The following ACLY variants were observed in gnomAD, a reference collection of about 807,000 sequenced individuals.
The protein encoded by ACLY is ATP-citrate synthase.
A neutral mutation model predicts 133.0 loss-of-function variants in ACLY; 41 were observed. The observed-to-expected ratio is 0.31, with a 90% CI of 0.24 to 0.40. ACLY has a LOEUF of 0.40. Among genes scored for constraint, ACLY ranks in the 10% least tolerant of loss-of-function variants. The pLI is 1.00. For synonymous variants in ACLY, 495 were observed against 549.3 expected (o/e 0.90, Z 1.38); for missense variants, 1,046 against 1,453.8 (o/e 0.72, Z 4.56).
At chr17:41,910,332 GC>G (rs782159533) in intron 3 of ACLY, 48 bp from the exon 4 acceptor site, 19 of 1,559,288 alleles carry the variant, frequency 1.2e-5, no homozygotes, top group Non-Finnish European at 1.7e-5. Flanking sequence ...AGCACGTCTT[GC>G]CCCTAGGGCA....
chr17:41,867,909 A>G lies in ACLY; in HGVS notation c.3212-5T>C. 3 of 1,602,160 alleles carry G rather than the reference A, an allele frequency of 1.9e-6. No individual in the cohort carries two copies. Among genetic ancestry groups the G allele is most frequent in the Non-Finnish European group, 2.6e-6 (3 of 1,172,198 alleles). On this transcript the variant is annotated splice_polypyrimidine_tract_variant and splice_region_variant and intron_variant, in intron 28 of 28. Transcript: ENST00000352035. ...TCTTCTGATCAAGATAGTGTCCTAA[A>G]ATGAAGCAAACACATCTTTTTTATT...
intron 10 of ACLY, among the ~76,000 whole-genome samples, chr17:41,902,492 G>T (rs2049568813): frequency 6.6e-6 from 1 of 152,218 alleles, no homozygotes; most frequent in Non-Finnish European, 1.5e-5. Context: ...GGGATTACAA[G>T]CGTGAGCCAC....
chr17:41,880,694 C>G (rs1314353772), intron 20 of ACLY, among the ~76,000 whole-genome samples: 1 of 151,984 alleles, frequency 6.6e-6, no homozygotes, highest in Non-Finnish European at 1.5e-5. Flanking sequence ...AACCCCATCT[C>G]TACTAAAAGA....
At chr17:41,908,894 C>G (rs2049806578) in intron 6 of ACLY, 95 bp downstream of exon 6, 7 of 1,025,140 alleles carry the variant, frequency 6.8e-6, no homozygotes, top group African/African-American at 1.6e-5. Context: ...GTGTTACCCT[C>G]TGGCAAGTGG....
Position 41,928,511 on chromosome 17 carries a change from T to C in ACLY, c.-28+1847A>G, listed in dbSNP as rs146666796. 5.9e-4 allele frequency among the ~76,000 whole-genome samples: 90 copies of C among 152,200 alleles called. 1 individual carries two copies. The East Asian group carries it at 0.017, about 28-fold the overall frequency. ...TTTTGGCTATTTTAGGTCTTTTGCATTTCCACATAAATCTTAAAATCAGCT... is the reference window on the plus strand; with the variant it reads ...TTTTGGCTATTTTAGGTCTTTTGCACTTCCACATAAATCTTAAAATCAGCT... On this transcript the variant is annotated intron_variant, in intron 1 of 3. Transcript: ENST00000592970.
chr17:41,867,771 T>C lies in ACLY; in HGVS notation c.*39A>G. ...GTACACTTTTTCTTGGGGGAAGAGA[T>C]CTTGTCTTCAGTTTACTGCAGTAGG... On this transcript the variant is annotated 3_prime_UTR_variant, in exon 29 of 29. Transcript: ENST00000352035. 6.6e-7 allele frequency: 1 copy of C among 1,522,022 alleles called. No homozygotes were observed. Among genetic ancestry groups the C allele is most frequent in the Admixed American group, 1.8e-5 (1 of 55,700 alleles). 94.3% of individuals were successfully genotyped at this position (1,522,022 alleles called of 1,614,324 possible). A position where few individuals can be genotyped will look rare whatever the true frequency, so the allele number is the denominator to read the frequency against.
intron 1 of ACLY, among the ~76,000 whole-genome samples, chr17:41,926,983 C>T (rs782155910): frequency 5.3e-5 from 8 of 152,106 alleles, no homozygotes; most frequent in Non-Finnish European, 1.0e-4. Context: ...ATTCTCCTGC[C>T]TCAGCCTCCC....
chr17:41,904,688 A>C, intron 10 of ACLY, 41 bp downstream of exon 10: 1 of 1,600,134 alleles, frequency 6.2e-7, no homozygotes, highest in Non-Finnish European at 8.6e-7. Context: ...CTTTCCCCAA[A>C]CCACTTTCCC....
chr17:41,913,629 C>T (rs2049966505), intron 2 of ACLY, 86 bp downstream of exon 2: 1 of 1,439,772 alleles, frequency 6.9e-7, no homozygotes, highest in African/African-American at 1.4e-5. Context: ...CCCCATGACC[C>T]TATCGGCATC....
At position 41,867,426 on chromosome 17, in the gene ACLY, G is replaced by GT. The variant is rs1304727978; in HGVS notation, c.*383dup. On this transcript the variant is annotated 3_prime_UTR_variant, in exon 29 of 29. Transcript: ENST00000352035. ...TGTATAGTATCTTGAGGCCATAAAT[G>GT]TTTCATTCCCTTCCTCCAAAGGAGA... 6.5e-6 allele frequency: 1 copy of GT among 155,020 alleles called. No homozygotes were observed. The highest frequency in any genetic ancestry group is 6.5e-5 in the Admixed American group (1 of 15,314). 9.6% of individuals were successfully genotyped at this position (155,020 alleles called of 1,614,324 possible).
At position 41,867,335 on chromosome 17, in the gene ACLY, C is replaced by T. The variant is rs2048491613; in HGVS notation, c.*475G>A. 1 of 149,184 alleles carries T rather than the reference C, an allele frequency of 6.7e-6. No individual in the cohort carries two copies. Among genetic ancestry groups the T allele is most frequent in the South Asian group, 2.1e-4 (1 of 4,734 alleles). The allele number at this position is 149,184 out of a possible 1,614,324, so 9.2% of individuals were successfully genotyped here. ...AAAATCAGATTAATACAATGTTCTT[C>T]ATGTTATATAAGGAAGAAGAAAGGG... On this transcript the variant is annotated 3_prime_UTR_variant, in exon 29 of 29. Coordinates refer to ENST00000352035, the MANE Select transcript of ACLY (RefSeq NM_001096.3).
rs1390496867 is a variant in ACLY, at chr17:41,887,604, C to A, written c.1870G>T (p.Ala624Ser). 1 of 1,613,708 alleles carries A rather than the reference C, an allele frequency of 6.2e-7. No homozygotes were observed. The highest frequency in any genetic ancestry group is 2.2e-5 in the East Asian group (1 of 44,864). ...DQKGVTIIGP[A>S]TVGGIKPGCF... Reference sequence around the variant, plus strand: ...TTTCCGGAGGGGAAGCTCACAGTGGCAGGTCCGATGATGGTCACTCCCTTC... The same window carrying A: ...TTTCCGGAGGGGAAGCTCACAGTGGAAGGTCCGATGATGGTCACTCCCTTC... Residue 624 changes from alanine (A) to serine (S), a missense_variant, in exon 17 of 29, where the codon GCC becomes TCC. Physicochemically the swap from Ala to Ser is moderately conservative, Grantham distance 99 (BLOSUM62 1). Transcript: ENST00000352035.
chr17:41,905,400 G>A (rs2049683797), intron 9 of ACLY, 122 bp downstream of exon 9: 2 of 1,314,476 alleles, frequency 1.5e-6, no homozygotes, highest in Admixed American at 1.9e-5. Flanking sequence ...TCAATGATTA[G>A]CCTCAAGTTG....
At chr17:41,924,982 C>T (rs2050225292) in intron 1 of ACLY, among the ~76,000 whole-genome samples, 1 of 152,070 alleles carries the variant, frequency 6.6e-6, no homozygotes, top group Admixed American at 6.6e-5. Flanking sequence ...AAATCACTTA[C>T]CCTTGACTTT....
intron 22 of ACLY, among the ~76,000 whole-genome samples, chr17:41,876,938 A>C (rs1257616888): frequency 6.6e-6 from 1 of 152,124 alleles, no homozygotes; most frequent in African/African-American, 2.4e-5. Flanking sequence ...AGGAAAAAAA[A>C]AAAAGAAATG....
Position 41,872,976 on chromosome 17 carries a change from G to A in ACLY, c.2643-794C>T, listed in dbSNP as rs117729214. Among the ~76,000 whole-genome samples, 89 of 152,288 alleles carry A rather than the reference G, an allele frequency of 5.8e-4. No homozygotes were observed. The East Asian group carries it at 0.015, about 26-fold the overall frequency. The stretch of plus-strand genomic sequence containing the variant: ...CCCATCTCTCTGCAGGTGAGGGCAT[G>A]ACACAACCAAAGACATTGACCTGGC... On this transcript the variant is annotated intron_variant, in intron 23 of 28. Coordinates refer to ENST00000352035, the MANE Select transcript of ACLY (RefSeq NM_001096.3).
At chr17:41,907,390 C>A (rs989183895) in intron 7 of ACLY, 52 bp downstream of exon 7, 3 of 1,559,526 alleles carry the variant, frequency 1.9e-6, no homozygotes, top group East Asian at 2.3e-5. Context: ...AGATGAGTCA[C>A]CTCCCCACCG....
At chr17:41,868,837 T>A (rs1555624498) in intron 27 of ACLY, 52 bp from the exon 28 acceptor site, 1 of 1,559,208 alleles carries the variant, frequency 6.4e-7, no homozygotes, top group Non-Finnish European at 8.8e-7. Context: ...ACTGCCCTCC[T>A]CCCCACAGAC....
intron 19 of ACLY, among the ~76,000 whole-genome samples, chr17:41,883,975 C>T (rs556292997): frequency 1.3e-5 from 2 of 152,088 alleles, no homozygotes; most frequent in Admixed American, 6.6e-5. Flanking sequence ...CTCTTATTGG[C>T]GCTAAAGTTT....
Sources: allele counts gnomAD v4.1 joint callset (sites outside exome capture counted in the v4.1 genomes callset), GRCh38; gene constraint gnomAD v4.1.1; transcripts MANE v1.5; gene names NCBI Gene and HGNC (gene_info 2026-07-23, HGNC 2026-07-21).